SGCZ: variants seen among roughly 807,000 people sequenced by gnomAD.
SGCZ encodes sarcoglycan zeta.
In SGCZ, 40 loss-of-function variants were observed where a neutral mutation model predicts 41.3. That is an observed-to-expected ratio of 0.97 (90% CI 0.75 to 1.26). The LOEUF is 1.26. Ranked by LOEUF, SGCZ falls within the 50% of genes most tolerant of loss-of-function variation. The pLI, the probability that SGCZ is intolerant of heterozygous loss-of-function variation, is 0.00. For synonymous variants in SGCZ, 206 were observed against 137.5 expected, an observed-to-expected ratio of 1.50 and a Z score of -3.49; for missense variants, 552 against 369.8, an observed-to-expected ratio of 1.49 and a Z score of -4.04.
At chr8:14,629,016 G>A (rs1008659027) in intron 1 of SGCZ, among the ~76,000 whole-genome samples, 2 of 152,110 alleles carry the variant, frequency 1.3e-5, no homozygotes, top group African/African-American at 4.8e-5. Context: ...AAAAGAACCA[G>A]CTGTGTTTAA....
chr8:14,279,906 C>T (rs1035476254), intron 3 of SGCZ, among the ~76,000 whole-genome samples: 3 of 151,688 alleles, frequency 2.0e-5, no homozygotes, highest in African/African-American at 4.8e-5. Flanking sequence ...CATCCTCTGA[C>T]TTATTTGTTC....
chr8:14,897,321 G>C (rs1805237440), intron 1 of SGCZ, among the ~76,000 whole-genome samples: 1 of 152,064 alleles, frequency 6.6e-6, no homozygotes, highest in Non-Finnish European at 1.5e-5. Context: ...TCTGATAAAA[G>C]GCAAAAAGTG....
intron 1 of SGCZ, among the ~76,000 whole-genome samples, chr8:15,156,484 T>C (rs1799334085): frequency 6.6e-6 from 1 of 152,190 alleles, no homozygotes; most frequent in Admixed American, 6.5e-5. Flanking sequence ...AGAACATACC[T>C]GAAAAGCTGC....
At chr8:15,107,602 A>G (rs1331313598) in intron 1 of SGCZ, among the ~76,000 whole-genome samples, 3 of 152,144 alleles carry the variant, frequency 2.0e-5, no homozygotes, top group Non-Finnish European at 4.4e-5. Context: ...TGCCAGCACC[A>G]TGTTTCTTGA....
At chr8:14,365,138 T>C (rs1803653070) in intron 2 of SGCZ, among the ~76,000 whole-genome samples, 1 of 152,078 alleles carries the variant, frequency 6.6e-6, no homozygotes, top group Non-Finnish European at 1.5e-5. Context: ...CAGTGATATA[T>C]GCTTTAGATT....
chr8:15,111,316 C>G (rs1807042619), intron 1 of SGCZ, among the ~76,000 whole-genome samples: 1 of 152,126 alleles, frequency 6.6e-6, no homozygotes, highest in Non-Finnish European at 1.5e-5. Context: ...ACAACCCTCT[C>G]CCGCTTCCAC....
At chr8:15,210,679 G>C (rs10108070) in intron 1 of SGCZ, among the ~76,000 whole-genome samples, 118,658 of 151,830 alleles carry the variant, frequency 0.78, 46,866 homozygotes, top group South Asian at 0.83. Flanking sequence ...ACTCCCTCAT[G>C]ATCTTGTATT....
At chr8:14,756,663 A>G (rs563717639) in intron 1 of SGCZ, among the ~76,000 whole-genome samples, 1 of 152,348 alleles carries the variant, frequency 6.6e-6, no homozygotes, top group Admixed American at 6.5e-5. Flanking sequence ...TGGAGGCTAC[A>G]TAACTTTTGG....
At chr8:14,199,731 G>T (rs35399891) in intron 4 of SGCZ, among the ~76,000 whole-genome samples, 1 of 151,954 alleles carries the variant, frequency 6.6e-6, no homozygotes, top group Admixed American at 6.6e-5. Flanking sequence ...GAAATATCAG[G>T]AGTGAATTTC....
At chr8:14,341,133 T>C (rs1324418063) in intron 2 of SGCZ, among the ~76,000 whole-genome samples, 1 of 152,224 alleles carries the variant, frequency 6.6e-6, no homozygotes, top group Non-Finnish European at 1.5e-5. Context: ...CTAAATAATA[T>C]TATGCTATCT....
chr8:15,136,708 C>G (rs1808119019), intron 1 of SGCZ, among the ~76,000 whole-genome samples: 1 of 152,100 alleles, frequency 6.6e-6, no homozygotes, highest in African/African-American at 2.4e-5. Flanking sequence ...TGAAGAGGTG[C>G]CTTTAACCAT....
At chr8:14,668,642 A>G (rs1807992173) in intron 1 of SGCZ, among the ~76,000 whole-genome samples, 1 of 152,184 alleles carries the variant, frequency 6.6e-6, no homozygotes, top group African/African-American at 2.4e-5. Context: ...ATAAATTTTG[A>G]TATGACTCTA....
intron 2 of SGCZ, among the ~76,000 whole-genome samples, chr8:14,330,525 T>G (rs900956205): frequency 6.6e-6 from 1 of 152,112 alleles, no homozygotes; most frequent in Non-Finnish European, 1.5e-5. Flanking sequence ...AATATTCTCT[T>G]TGTTGACATT....
At chr8:15,181,952 C>G (rs546636654) in intron 1 of SGCZ, among the ~76,000 whole-genome samples, 1 of 152,060 alleles carries the variant, frequency 6.6e-6, no homozygotes. Flanking sequence ...TGTGTTACAT[C>G]TTATGCAGTG....
chr8:14,901,850 A>C (rs1798982517), intron 1 of SGCZ, among the ~76,000 whole-genome samples: 1 of 152,172 alleles, frequency 6.6e-6, no homozygotes, highest in Non-Finnish European at 1.5e-5. Flanking sequence ...CTGTACAAGA[A>C]AACAGAATAT....
chr8:14,563,662 G>A (rs933060245), intron 1 of SGCZ, among the ~76,000 whole-genome samples: 3 of 152,098 alleles, frequency 2.0e-5, no homozygotes, highest in African/African-American at 7.2e-5. Context: ...ACTAAGTTTA[G>A]AGGTGAGATC....
intron 2 of SGCZ, among the ~76,000 whole-genome samples, chr8:14,548,619 A>G (rs1423237693): frequency 6.6e-6 from 1 of 152,136 alleles, no homozygotes; most frequent in Non-Finnish European, 1.5e-5. Context: ...TGAGCTATTT[A>G]AATAAAGTTT....
At chr8:14,199,663 C>T (rs1044006812) in intron 4 of SGCZ, among the ~76,000 whole-genome samples, 1 of 152,114 alleles carries the variant, frequency 6.6e-6, no homozygotes, top group Non-Finnish European at 1.5e-5. Context: ...CTTTTGTACT[C>T]TGTCCCTTTA....
intron 4 of SGCZ, among the ~76,000 whole-genome samples, chr8:14,177,536 G>A (rs12156365): frequency 0.35 from 53,095 of 152,014 alleles, 11,979 homozygotes; most frequent in Non-Finnish European, 0.51. Flanking sequence ...TTGAGACGGA[G>A]TCTCGTGCTG....
Sources: allele counts gnomAD v4.1 joint callset (sites outside exome capture counted in the v4.1 genomes callset), GRCh38; gene constraint gnomAD v4.1.1; transcripts MANE v1.5; gene names NCBI Gene and HGNC (gene_info 2026-07-23, HGNC 2026-07-21).